NTM: variants seen among roughly 807,000 people sequenced by gnomAD.
NTM encodes IgLON family member 2.
Under a neutral mutation model 42.1 loss-of-function variants are expected in NTM, and 13 were observed. The ratio of observed to expected loss-of-function variants is 0.31; its 90% CI spans 0.20 to 0.49. The LOEUF is 0.49. NTM is among the 20% of genes least tolerant of loss of function. The probability of loss-of-function intolerance (pLI) is 0.99; values close to 1 mark genes in which losing one functional copy is unlikely to be tolerated. For missense variants in NTM, 373 were observed against 452.8 expected, an observed-to-expected ratio of 0.82 and a Z score of 1.60; for synonymous variants, 187 against 179.2, an observed-to-expected ratio of 1.04 and a Z score of -0.35.
At chr11:131,702,196 G>T (rs185165216) in intron 1 of NTM, among the ~76,000 whole-genome samples, 3 of 152,070 alleles carry the variant, frequency 2.0e-5, no homozygotes, top group Admixed American at 2.0e-4. Context: ...ACCAGGGATC[G>T]GCCCACACTT....
chr11:131,410,956 A>C (rs1030531628), intron 1 of NTM, among the ~76,000 whole-genome samples: 1 of 152,180 alleles, frequency 6.6e-6, no homozygotes, highest in Non-Finnish European at 1.5e-5. Flanking sequence ...CAAACACTAC[A>C]GCGTTGGTTA....
At chr11:132,256,662 G>A (rs1360048790) in intron 4 of NTM, among the ~76,000 whole-genome samples, 1 of 149,032 alleles carries the variant, frequency 6.7e-6, no homozygotes, top group African/African-American at 2.5e-5. Flanking sequence ...CCCTGGGCTT[G>A]TGTGGACTGG....
At chr11:132,109,950 A>G (rs762150981) in intron 2 of NTM, among the ~76,000 whole-genome samples, 62 of 152,156 alleles carry the variant, frequency 4.1e-4, no homozygotes, top group Admixed American at 6.5e-5. Flanking sequence ...TCTGTCCCCC[A>G]GTCCTCCACC....
chr11:132,222,984 G>T (rs576489770), intron 4 of NTM, among the ~76,000 whole-genome samples: 2 of 152,280 alleles, frequency 1.3e-5, no homozygotes, highest in Middle Eastern at 3.4e-3. Flanking sequence ...TATCTGGCCA[G>T]TTATCTGCAA....
At chr11:131,701,730 C>A (rs923289980) in intron 1 of NTM, among the ~76,000 whole-genome samples, 10 of 152,000 alleles carry the variant, frequency 6.6e-5, no homozygotes, top group Admixed American at 6.6e-4. Context: ...AATGGTGTGT[C>A]CATGGGGTCC....
intron 1 of NTM, among the ~76,000 whole-genome samples, chr11:131,889,363 T>A (rs1205142674): frequency 1.3e-5 from 2 of 152,192 alleles, no homozygotes; most frequent in African/African-American, 4.8e-5. Flanking sequence ...TGGGCTCTGA[T>A]GGCCACACCC....
chr11:132,249,837 G>A (rs748396371), intron 4 of NTM, among the ~76,000 whole-genome samples: 9 of 152,138 alleles, frequency 5.9e-5, no homozygotes, highest in East Asian at 3.9e-4. Context: ...GATAATCCAA[G>A]GATGTCCAAA....
At chr11:131,671,703 G>A in intron 1 of NTM, 1 of 696,546 alleles carries the variant, frequency 1.4e-6, no homozygotes, top group Non-Finnish European at 1.8e-6. Flanking sequence ...CAGGCCACTG[G>A]AGAGTGACAA....
At chr11:131,394,441 A>T (rs1395354574) in intron 1 of NTM, among the ~76,000 whole-genome samples, 3 of 152,160 alleles carry the variant, frequency 2.0e-5, no homozygotes, top group African/African-American at 7.2e-5. Context: ...TCAGAGCGAG[A>T]AGGAGAGAGG....
Position 131,704,260 on chromosome 11 carries a change from A to T in NTM, c.83-207304A>T, listed in dbSNP as rs553923168. Among the ~76,000 whole-genome samples the T allele has an allele frequency of 6.1e-4, 93 of 152,282 alleles. 1 individual carries two copies. Among genetic ancestry groups the T allele is most frequent in the African/African-American group, 2.2e-3 (90 of 41,562 alleles). ...TCCTGTGGATTCAGAATGGAGTCCC[A>T]CACCTGTGGATGCAAGCCCGAGGCT... On this transcript the variant is annotated intron_variant, in intron 1 of 8. Coordinates refer to ENST00000683400, the MANE Select transcript of NTM (RefSeq NM_001352005.2).
At chr11:131,748,729 T>C (rs2082125236) in intron 1 of NTM, among the ~76,000 whole-genome samples, 3 of 152,252 alleles carry the variant, frequency 2.0e-5, no homozygotes, top group Admixed American at 1.3e-4. Flanking sequence ...TTTAATCCGA[T>C]GTGCTTTTTC....
chr11:132,130,043 A>T (rs966500887), intron 2 of NTM, among the ~76,000 whole-genome samples: 3 of 152,198 alleles, frequency 2.0e-5, no homozygotes, highest in African/African-American at 7.2e-5. Flanking sequence ...AATGTATCTG[A>T]TTCTTAATTA....
At chr11:132,260,570 C>T (rs1034828572) in intron 4 of NTM, among the ~76,000 whole-genome samples, 3 of 152,188 alleles carry the variant, frequency 2.0e-5, no homozygotes, top group Non-Finnish European at 2.9e-5. Context: ...ATTAATATGG[C>T]ACTCAGTGTT....
At chr11:131,703,472 A>G (rs142590962) in intron 1 of NTM, among the ~76,000 whole-genome samples, 258 of 152,356 alleles carry the variant, frequency 1.7e-3, no homozygotes, top group African/African-American at 6.0e-3. Context: ...TGGATGAAAG[A>G]CTGATGAATT....
chr11:131,749,606 T>G (rs1291876596), intron 1 of NTM, among the ~76,000 whole-genome samples: 2 of 152,146 alleles, frequency 1.3e-5, no homozygotes, highest in Non-Finnish European at 2.9e-5. Flanking sequence ...TGTTTTCTTT[T>G]GTTTTGTTTG....
chr11:131,749,817 C>G (rs534544618), intron 1 of NTM, among the ~76,000 whole-genome samples: 4 of 152,282 alleles, frequency 2.6e-5, no homozygotes, highest in Non-Finnish European at 5.9e-5. Context: ...TCAGGCTGGT[C>G]TCAAACTCCT....
chr11:132,090,705 C>G (rs1273064530), intron 2 of NTM, among the ~76,000 whole-genome samples: 1 of 152,120 alleles, frequency 6.6e-6, no homozygotes, highest in Non-Finnish European at 1.5e-5. Context: ...CCCTTCTTCC[C>G]CATCCAGCCT....
At chr11:131,924,529 T>TGG (rs2057685969) in intron 2 of NTM, among the ~76,000 whole-genome samples, 1 of 152,232 alleles carries the variant, frequency 6.6e-6, no homozygotes, top group South Asian at 2.1e-4. Context: ...CCCAAAGGAA[T>TGG]GTGAGCCGAA....
chr11:131,606,229 T>C (rs540677309), intron 1 of NTM, among the ~76,000 whole-genome samples: 132 of 152,200 alleles, frequency 8.7e-4, no homozygotes, highest in African/African-American at 2.9e-3. Context: ...TTTAAAAAAA[T>C]TTGTTTTGTA....
Sources: gnomAD v4.1 joint callset for allele counts (sites outside exome capture counted in the v4.1 genomes callset) on GRCh38, gnomAD v4.1.1 for gene constraint, MANE v1.5 for transcripts, NCBI Gene and HGNC (gene_info 2026-07-23, HGNC 2026-07-21) for gene names.